The following RELN variants were observed in gnomAD, a reference collection of about 807,000 sequenced individuals.
RELN encodes reelin.
A neutral mutation model predicts 427.6 loss-of-function variants in RELN; 108 were observed. The ratio of observed to expected loss-of-function variants is 0.25; its 90% CI spans 0.22 to 0.30. The LOEUF (loss-of-function observed/expected upper bound fraction) is 0.30, where lower values mean the gene tolerates loss of function less well. Ranked by LOEUF, RELN falls within the 10% of genes least tolerant of loss-of-function variation. The pLI is 1.00. For synonymous variants in RELN, 1,524 were observed against 1,513.4 expected, an observed-to-expected ratio of 1.01 and a Z score of -0.16; for missense variants, 3,715 against 4,302.8, an observed-to-expected ratio of 0.86 and a Z score of 3.82.
At chr7:103,594,768 C>G (rs1831499919) in intron 25 of RELN, among the ~76,000 whole-genome samples, 1 of 152,110 alleles carries the variant, frequency 6.6e-6, no homozygotes, top group Non-Finnish European at 1.5e-5. Context: ...TATCTTTTGA[C>G]TACCATGACA....
In RELN at chr7:103,536,059, A is replaced by C. The variant is rs1377454870; in HGVS notation, c.7181-575T>G. Among the ~76,000 whole-genome samples, 6 of 152,264 alleles carry C rather than the reference A, an allele frequency of 3.9e-5. No individual in the cohort carries two copies. The East Asian group carries it at 1.2e-3, about 29-fold the overall frequency. Reference sequence around the variant, plus strand: ...TCTCCAATTTTGACCATTTTATAGGAATCCTGACCAACTAATGTCAATTTT... The same window carrying C: ...TCTCCAATTTTGACCATTTTATAGGCATCCTGACCAACTAATGTCAATTTT... On this transcript the variant is annotated intron_variant, in intron 45 of 64. Coordinates refer to ENST00000428762, the MANE Select transcript of RELN (RefSeq NM_005045.4).
intron 20 of RELN, among the ~76,000 whole-genome samples, chr7:103,614,597 G>A (rs865793304): frequency 6.7e-6 from 1 of 148,822 alleles, no homozygotes; most frequent in Non-Finnish European, 1.5e-5. Context: ...AAGTGAGAGA[G>A]CCTGGGTCCC....
chr7:103,616,501 T>G (rs948359432), intron 20 of RELN, among the ~76,000 whole-genome samples: 2 of 152,128 alleles, frequency 1.3e-5, no homozygotes, highest in African/African-American at 4.8e-5. Flanking sequence ...TTTTAGTGGA[T>G]TATAGAAATT....
intron 6 of RELN, among the ~76,000 whole-genome samples, chr7:103,736,930 A>G (rs1790508712): frequency 6.6e-6 from 1 of 152,170 alleles, no homozygotes. Context: ...GAGGGGGAGG[A>G]AGCTAGAGAG....
intron 17 of RELN, among the ~76,000 whole-genome samples, chr7:103,637,621 G>T (rs1481017394): frequency 6.6e-6 from 1 of 152,196 alleles, no homozygotes; most frequent in Non-Finnish European, 1.5e-5. Context: ...AAGTTTGAAG[G>T]TTGTCTTGGT....
At chr7:103,570,210 C>T (rs1830850498) in intron 31 of RELN, among the ~76,000 whole-genome samples, 1 of 152,172 alleles carries the variant, frequency 6.6e-6, no homozygotes, top group Non-Finnish European at 1.5e-5. Context: ...GAAAATAGCA[C>T]TTGTAAACAG....
chr7:103,773,075 A>G (rs937795140), intron 4 of RELN, among the ~76,000 whole-genome samples: 9 of 151,400 alleles, frequency 5.9e-5, no homozygotes, highest in African/African-American at 1.7e-4. Context: ...CGAGAATGGG[A>G]AGGAGGAGAT....
At chr7:103,987,222 T>C (rs1797121541) in intron 1 of RELN, among the ~76,000 whole-genome samples, 1 of 152,190 alleles carries the variant, frequency 6.6e-6, no homozygotes, top group Non-Finnish European at 1.5e-5. Flanking sequence ...ACTTACATAA[T>C]ACAATTTCTC....
chr7:103,609,470 C>T (rs2117285930), intron 22 of RELN, among the ~76,000 whole-genome samples: 1 of 152,150 alleles, frequency 6.6e-6, no homozygotes. Context: ...ATTATATTCC[C>T]AGCAGTAGAC....
At chr7:103,740,809 C>G (rs1316825370) in intron 6 of RELN, among the ~76,000 whole-genome samples, 1 of 152,146 alleles carries the variant, frequency 6.6e-6, no homozygotes, top group Non-Finnish European at 1.5e-5. Context: ...TTCTCTTTTG[C>G]TTAACAATAA....
At chr7:103,691,014 C>A (rs184764353) in intron 10 of RELN, among the ~76,000 whole-genome samples, 5 of 152,112 alleles carry the variant, frequency 3.3e-5, no homozygotes, top group Admixed American at 3.3e-4. Flanking sequence ...ATTTACAGTC[C>A]TCCTCAGCTT....
chr7:103,840,975 A>C (rs1793538305), intron 2 of RELN, among the ~76,000 whole-genome samples: 1 of 152,100 alleles, frequency 6.6e-6, no homozygotes, highest in Non-Finnish European at 1.5e-5. Context: ...TAATGATTTT[A>C]TTTTCATTGT....
chr7:103,733,933 A>G (rs1272127678), intron 6 of RELN, among the ~76,000 whole-genome samples: 1 of 114,952 alleles, frequency 8.7e-6, no homozygotes, highest in African/African-American at 3.0e-5. Flanking sequence ...TAAAACTTAA[A>G]GTATAATAAA....
intron 2 of RELN, among the ~76,000 whole-genome samples, chr7:103,862,061 T>C: frequency 6.6e-6 from 1 of 152,178 alleles, no homozygotes; most frequent in Non-Finnish European, 1.5e-5. Context: ...GCCCATCAGT[T>C]ACAGCTCACT....
intron 2 of RELN, among the ~76,000 whole-genome samples, chr7:103,878,012 C>T (rs567959840): frequency 1.1e-4 from 16 of 152,142 alleles, no homozygotes; most frequent in African/African-American, 3.1e-4. Flanking sequence ...TGCACCAACA[C>T]GCCCAGCTAA....
chr7:103,765,000 G>A (rs928186114), intron 4 of RELN, among the ~76,000 whole-genome samples: 14 of 152,052 alleles, frequency 9.2e-5, no homozygotes, highest in African/African-American at 3.4e-4. Context: ...TGGTGACCTT[G>A]AGGATGATGG....
intron 16 of RELN, among the ~76,000 whole-genome samples, chr7:103,646,805 G>C (rs1323428402): frequency 6.6e-6 from 1 of 151,716 alleles, no homozygotes; most frequent in Middle Eastern, 3.2e-3. Flanking sequence ...AGCCAGGCAA[G>C]GACACAACAA....
chr7:103,633,482 T>C (rs979628702), intron 19 of RELN, among the ~76,000 whole-genome samples: 3 of 151,472 alleles, frequency 2.0e-5, no homozygotes, highest in African/African-American at 7.3e-5. Flanking sequence ...TAAATATATA[T>C]ATATATATAG....
chr7:103,598,608 T>C (rs1055125651), intron 24 of RELN, among the ~76,000 whole-genome samples: 2 of 152,186 alleles, frequency 1.3e-5, no homozygotes, highest in African/African-American at 4.8e-5. Context: ...AGTAGTGTTG[T>C]TTTTCCAGGA....
Sources: gnomAD v4.1 joint callset for allele counts (sites outside exome capture counted in the v4.1 genomes callset) on GRCh38, gnomAD v4.1.1 for gene constraint, MANE v1.5 for transcripts, NCBI Gene and HGNC (gene_info 2026-07-23, HGNC 2026-07-21) for gene names.